SMYD3: variants seen among roughly 807,000 people sequenced by gnomAD.
SMYD3 encodes the protein histone-lysine N-methyltransferase SMYD3.
In SMYD3, 36 loss-of-function variants were observed where a neutral mutation model predicts 57.7. The ratio of observed to expected loss-of-function variants is 0.62; its 90% CI spans 0.48 to 0.82. The LOEUF is 0.82. Ranked by LOEUF, SMYD3 falls within the 40% of genes least tolerant of loss-of-function variation. The probability of loss-of-function intolerance (pLI) is 0.00; values close to 1 mark genes in which losing one functional copy is unlikely to be tolerated. For synonymous variants in SMYD3, 211 were observed against 195.0 expected (o/e 1.08, Z -0.68); for missense variants, 515 against 538.8 (o/e 0.96, Z 0.44).
At chr1:246,229,754 T>C (rs947804309) in intron 5 of SMYD3, among the ~76,000 whole-genome samples, 7 of 152,208 alleles carry the variant, frequency 4.6e-5, no homozygotes, top group African/African-American at 1.7e-4. Context: ...GGAACTCTCA[T>C]AGCCTCATCA....
chr1:246,200,389 C>G (rs373691411), intron 5 of SMYD3, among the ~76,000 whole-genome samples: 1 of 136,104 alleles, frequency 7.3e-6, no homozygotes, highest in Non-Finnish European at 1.6e-5. Context: ...TGGAGAACAG[C>G]GCAGACGCTG....
chr1:246,414,031 TTC>T (rs1188414044), intron 1 of SMYD3, among the ~76,000 whole-genome samples: 1 of 152,216 alleles, frequency 6.6e-6, no homozygotes, highest in African/African-American at 2.4e-5. Flanking sequence ...TCCCCAAAAT[TTC>T]TGTCTGTGGG....
intron 5 of SMYD3, among the ~76,000 whole-genome samples, chr1:245,963,750 G>C (rs1017715768): frequency 6.6e-6 from 1 of 152,156 alleles, no homozygotes; most frequent in Admixed American, 6.6e-5. Flanking sequence ...ACCCTAACTT[G>C]CTGGGGCTTT....
intron 10 of SMYD3, among the ~76,000 whole-genome samples, chr1:245,833,423 T>C (rs915324495): frequency 6.6e-6 from 1 of 152,236 alleles, no homozygotes; most frequent in Non-Finnish European, 1.5e-5. Context: ...TCTTGAAGCG[T>C]CCTGGCCAAA....
intron 5 of SMYD3, among the ~76,000 whole-genome samples, chr1:246,272,110 C>T (rs1275543576): frequency 2.0e-5 from 3 of 152,116 alleles, no homozygotes; most frequent in South Asian, 2.1e-4. Context: ...AAAAATGCAA[C>T]GGATTTTTGT....
intron 5 of SMYD3, among the ~76,000 whole-genome samples, chr1:246,146,656 G>A (rs987601652): frequency 3.9e-5 from 6 of 152,130 alleles, no homozygotes; most frequent in Non-Finnish European, 8.8e-5. Context: ...GCGGAGTGTG[G>A]AGAACCAGTC....
intron 1 of SMYD3, among the ~76,000 whole-genome samples, chr1:246,384,799 C>T (rs1458473887): frequency 6.6e-6 from 1 of 152,158 alleles, no homozygotes; most frequent in Non-Finnish European, 1.5e-5. Flanking sequence ...GGGAAACATA[C>T]TGTGACAGCT....
intron 1 of SMYD3, among the ~76,000 whole-genome samples, chr1:246,371,626 G>T (rs2066193620): frequency 6.6e-6 from 1 of 152,078 alleles, no homozygotes; most frequent in South Asian, 2.1e-4. Flanking sequence ...TTCAAATAAG[G>T]TATAACAATA....
At chr1:245,891,045 G>A (rs912894808) in intron 8 of SMYD3, among the ~76,000 whole-genome samples, 3 of 152,206 alleles carry the variant, frequency 2.0e-5, no homozygotes, top group African/African-American at 7.2e-5. Flanking sequence ...GAGATAGAGA[G>A]TAGAATGATG....
At chr1:245,846,486 G>A (rs971806987) in intron 10 of SMYD3, among the ~76,000 whole-genome samples, 1 of 152,182 alleles carries the variant, frequency 6.6e-6, no homozygotes, top group Admixed American at 6.5e-5. Context: ...CTGGGTTCAG[G>A]CTGACTCAAA....
chr1:245,752,861 A>G (rs1348443454), intron 11 of SMYD3, among the ~76,000 whole-genome samples: 1 of 152,178 alleles, frequency 6.6e-6, no homozygotes, highest in Non-Finnish European at 1.5e-5. Context: ...GTGCTTCCTG[A>G]GGTCACCTGG....
chr1:246,306,311 C>T lies in SMYD3; in HGVS notation c.531+20890G>A, dbSNP rs536691295. Among the ~76,000 whole-genome samples, 63 of 152,186 alleles carry T rather than the reference C, an allele frequency of 4.1e-4. No individual in the cohort carries two copies. In the South Asian group the frequency reaches 0.012, roughly 30 times the overall value. The stretch of plus-strand genomic sequence containing the variant: ...GCAATGGGCAAAGATTGTGCCACTG[C>T]ACTCCAGCATGGGTGACAGAGCAAG... On this transcript the variant is annotated intron_variant, in intron 5 of 11. Coordinates refer to ENST00000490107, the MANE Select transcript of SMYD3 (RefSeq NM_001167740.2).
chr1:246,455,241 TG>T (rs1416142610), intron 1 of SMYD3, among the ~76,000 whole-genome samples: 1 of 152,244 alleles, frequency 6.6e-6, no homozygotes, highest in East Asian at 1.9e-4. Context: ...GAAACAGTCC[TG>T]TTTTCCAATC....
At chr1:245,798,405 C>CACACACAA (rs2047664657) in intron 10 of SMYD3, among the ~76,000 whole-genome samples, 2 of 11,814 alleles carry the variant, frequency 1.7e-4, no homozygotes, top group Non-Finnish European at 7.4e-4. Context: ...CACACACACA[C>CACACACAA]ATACACACAC....
chr1:246,170,326 C>T lies in SMYD3; in HGVS notation c.531+156875G>A, dbSNP rs568949153. 1.7e-3 allele frequency among the ~76,000 whole-genome samples: 259 copies of T among 151,586 alleles called. 8 individuals carry two copies. In the South Asian group the frequency reaches 0.053, roughly 31 times the overall value. ...ACTAATACTGCAGCATGGTTAGTTT[C>T]CATATTACTAAATATGCCTCATGGT... On this transcript the variant is annotated intron_variant, in intron 5 of 11. Transcript: ENST00000490107.
intron 5 of SMYD3, among the ~76,000 whole-genome samples, chr1:246,119,419 T>C (rs2061390983): frequency 6.6e-6 from 1 of 150,446 alleles, no homozygotes; most frequent in African/African-American, 2.4e-5. Flanking sequence ...CTTTCTTTTT[T>C]TTTTTTTTTT....
chr1:246,129,595 C>A (rs1443235550), intron 5 of SMYD3, among the ~76,000 whole-genome samples: 3 of 152,040 alleles, frequency 2.0e-5, no homozygotes, highest in Non-Finnish European at 4.4e-5. Flanking sequence ...CAAAGGGAAC[C>A]AAGACAGTCC....
intron 10 of SMYD3, among the ~76,000 whole-genome samples, chr1:245,838,641 T>G (rs2050224615): frequency 6.6e-6 from 1 of 151,860 alleles, no homozygotes; most frequent in Non-Finnish European, 1.5e-5. Flanking sequence ...GGGAACAGAG[T>G]TTTCAAAGGG....
chr1:245,853,771 T>C (rs1202063683), intron 10 of SMYD3, among the ~76,000 whole-genome samples: 1 of 152,162 alleles, frequency 6.6e-6, no homozygotes, highest in Non-Finnish European at 1.5e-5. Context: ...GGCTGCTATG[T>C]AATTAACTGA....
Sources: allele counts gnomAD v4.1 joint callset (sites outside exome capture counted in the v4.1 genomes callset), GRCh38; gene constraint gnomAD v4.1.1; transcripts MANE v1.5; gene names NCBI Gene and HGNC (gene_info 2026-07-23, HGNC 2026-07-21).